Variants in PTPRR observed in about 807,000 individuals in gnomAD.
PTPRR encodes receptor-type tyrosine-protein phosphatase R.
Under a neutral mutation model 77.2 loss-of-function variants are expected in PTPRR, and 38 were observed. The ratio of observed to expected loss-of-function variants is 0.49; its 90% CI spans 0.38 to 0.65. The LOEUF (loss-of-function observed/expected upper bound fraction) is 0.65. PTPRR is among the 30% of genes least tolerant of loss of function. PTPRR has a pLI of 0.00. For missense variants in PTPRR, 744 were observed against 799.2 expected, an observed-to-expected ratio of 0.93 and a Z score of 0.83; for synonymous variants, 299 against 283.1, an observed-to-expected ratio of 1.06 and a Z score of -0.57.
At chr12:70,810,935 G>A (rs1470580838) in intron 2 of PTPRR, among the ~76,000 whole-genome samples, 1 of 152,120 alleles carries the variant, frequency 6.6e-6, no homozygotes, top group Non-Finnish European at 1.5e-5. Context: ...ACTAGGATTT[G>A]ATTTAACTGA....
intron 10 of PTPRR, among the ~76,000 whole-genome samples, chr12:70,671,135 G>C (rs892652078): frequency 6.6e-6 from 1 of 152,098 alleles, no homozygotes; most frequent in Admixed American, 6.6e-5. Flanking sequence ...TAACACAATT[G>C]AAAGTTGGCA....
intron 5 of PTPRR, among the ~76,000 whole-genome samples, chr12:70,749,180 A>G (rs891067936): frequency 1.3e-5 from 2 of 152,158 alleles, no homozygotes; most frequent in Non-Finnish European, 2.9e-5. Context: ...AACAAACAAC[A>G]ACAACCACAG....
At chr12:70,890,171 AC>A (rs1321566094) in intron 2 of PTPRR, among the ~76,000 whole-genome samples, 2 of 152,146 alleles carry the variant, frequency 1.3e-5, no homozygotes, top group Non-Finnish European at 2.9e-5. Context: ...CATAGTACTG[AC>A]CTTGAGGCAT....
intron 2 of PTPRR, among the ~76,000 whole-genome samples, chr12:70,875,134 T>C (rs1893029432): frequency 6.6e-6 from 1 of 151,980 alleles, no homozygotes; most frequent in South Asian, 2.1e-4. Flanking sequence ...ATATGCACCA[T>C]TAAAAAGAAT....
chr12:70,796,390 T>G (rs530290007), intron 2 of PTPRR, among the ~76,000 whole-genome samples: 18 of 152,278 alleles, frequency 1.2e-4, no homozygotes, highest in Admixed American at 2.0e-4. Context: ...ACATTGACTC[T>G]ATGACTGTGA....
intron 1 of PTPRR, among the ~76,000 whole-genome samples, chr12:70,903,623 T>C (rs1454283953): frequency 6.6e-6 from 1 of 151,766 alleles, no homozygotes; most frequent in Admixed American, 6.6e-5. Flanking sequence ...GTACAAACTA[T>C]AGAACTTTTA....
chr12:70,718,796 C>T (rs1235999902), intron 6 of PTPRR, among the ~76,000 whole-genome samples: 1 of 152,138 alleles, frequency 6.6e-6, no homozygotes, highest in African/African-American at 2.4e-5. Flanking sequence ...TGGGGAAATA[C>T]TAGAAGAATA....
At chr12:70,884,425 T>C (rs1402836077) in intron 2 of PTPRR, among the ~76,000 whole-genome samples, 1 of 152,180 alleles carries the variant, frequency 6.6e-6, no homozygotes, top group Admixed American at 6.5e-5. Flanking sequence ...ACAAAAGGCA[T>C]ACGGGAGAAC....
chr12:70,725,701 A>C (rs1889409009), intron 6 of PTPRR, among the ~76,000 whole-genome samples: 2 of 152,212 alleles, frequency 1.3e-5, no homozygotes, highest in Non-Finnish European at 2.9e-5. Context: ...GGGGGAAAAG[A>C]ATTAAAAAAA....
chr12:70,738,444 C>T (rs1375739323), intron 6 of PTPRR, among the ~76,000 whole-genome samples: 2 of 152,208 alleles, frequency 1.3e-5, no homozygotes, highest in East Asian at 1.9e-4. Flanking sequence ...CAGTGTGCCA[C>T]TCTTCCTTCC....
At chr12:70,874,015 C>A (rs1893006152) in intron 2 of PTPRR, among the ~76,000 whole-genome samples, 1 of 152,050 alleles carries the variant, frequency 6.6e-6, no homozygotes, top group African/African-American at 2.4e-5. Flanking sequence ...GCTACTAATA[C>A]CCTAATTAGA....
intron 6 of PTPRR, among the ~76,000 whole-genome samples, chr12:70,720,358 G>T (rs1281099520): frequency 1.3e-5 from 2 of 152,080 alleles, no homozygotes; most frequent in Admixed American, 6.6e-5. Context: ...GTGGATATGA[G>T]GAGGAAATGA....
In PTPRR at chr12:70,656,879, T is replaced by A. The variant is rs1886603362; in HGVS notation, c.1767-62A>T. 2.6e-6 allele frequency: 3 copies of A among 1,140,266 alleles called. No individual in the cohort carries two copies. The South Asian group carries it at 3.8e-5, about 14-fold the overall frequency. 70.6% of individuals were successfully genotyped at this position (1,140,266 alleles called of 1,614,324 possible). ...AAAATGACAAAGATAAGAAACATTC[T>A]TTTACAAGGGTACTTTTAAATCTGA... On this transcript the variant is annotated intron_variant, in intron 12 of 13. Coordinates refer to ENST00000283228, the MANE Select transcript of PTPRR (RefSeq NM_002849.4).
intron 10 of PTPRR, among the ~76,000 whole-genome samples, chr12:70,677,377 C>T (rs150353249): frequency 1.6e-4 from 24 of 152,230 alleles, no homozygotes; most frequent in Middle Eastern, 6.8e-3. Flanking sequence ...GATAGTTTGA[C>T]GCCTTCCTTT....
chr12:70,703,324 C>T (rs1180569681), intron 6 of PTPRR, among the ~76,000 whole-genome samples: 1 of 152,048 alleles, frequency 6.6e-6, no homozygotes, highest in Non-Finnish European at 1.5e-5. Context: ...TATTATTCTT[C>T]TTAACTCTTT....
chr12:70,818,764 T>A (rs1057111747), intron 2 of PTPRR, among the ~76,000 whole-genome samples: 1 of 152,078 alleles, frequency 6.6e-6, no homozygotes, highest in African/African-American at 2.4e-5. Context: ...ATATTAAAGA[T>A]ATTTTCAGAA....
At chr12:70,872,694 CAAAAA>C (rs377557224) in intron 2 of PTPRR, among the ~76,000 whole-genome samples, 44 of 43,446 alleles carry the variant, frequency 1.0e-3, no homozygotes, top group Admixed American at 1.5e-3. Context: ...GACTCTGTCT[CAAAAA>C]AAAAAAAAAA....
At chr12:70,728,717 A>C (rs1479271461) in intron 6 of PTPRR, among the ~76,000 whole-genome samples, 2 of 151,784 alleles carry the variant, frequency 1.3e-5, no homozygotes, top group African/African-American at 4.8e-5. Flanking sequence ...CTGTACTGAC[A>C]GATGGCTTCC....
At chr12:70,810,572 C>T (rs567380124) in intron 2 of PTPRR, among the ~76,000 whole-genome samples, 5 of 152,124 alleles carry the variant, frequency 3.3e-5, no homozygotes, top group East Asian at 1.9e-4. Context: ...ATTAATGCAA[C>T]GATGTTACTG....
Sources: allele counts gnomAD v4.1 joint callset (sites outside exome capture counted in the v4.1 genomes callset), GRCh38; gene constraint gnomAD v4.1.1; transcripts MANE v1.5; gene names NCBI Gene and HGNC (gene_info 2026-07-23, HGNC 2026-07-21).